The following COX7B2 variants were observed in gnomAD, a reference collection of about 807,000 sequenced individuals.
The protein encoded by COX7B2 is cytochrome c oxidase subunit 7B2, mitochondrial.
For missense variants in COX7B2, 109 were observed against 95.9 expected, an observed-to-expected ratio of 1.14 and a Z score of -0.57; for synonymous variants, 37 against 32.1, an observed-to-expected ratio of 1.15 and a Z score of -0.51.
In COX7B2 at chr4:46,734,963, T is replaced by C. The variant is rs571204159; in HGVS notation, c.230A>G (p.Glu77Gly). ...CTGTGATGGTTACTGATGTTTCCAC[T>C]CTTTTGGGGTAACTCTGCCAACAGG... ...LSPVGRVTPK[E>G]WKHQ The change falls in exon 3 of 3, where the codon GAG becomes GGG. Residue 77 changes from glutamate (E) to glycine (G), a missense_variant. Transcript: ENST00000355591. 6.2e-7 allele frequency: 1 copy of C among 1,613,998 alleles called. No individual in the cohort carries two copies. The highest frequency in any genetic ancestry group is 1.7e-5 in the Admixed American group (1 of 59,974).
chr4:46,895,031 C>T (rs1052768115), intron 1 of COX7B2, among the ~76,000 whole-genome samples: 88 of 151,904 alleles, frequency 5.8e-4, no homozygotes, highest in African/African-American at 2.1e-3. Flanking sequence ...GCCAAGCAAC[C>T]GTTGGTGGTG....
intron 1 of COX7B2, among the ~76,000 whole-genome samples, chr4:46,872,122 C>T (rs1718030258): frequency 6.6e-6 from 1 of 152,110 alleles, no homozygotes; most frequent in South Asian, 2.1e-4. Context: ...ATATATACAC[C>T]ATGGAATACT....
intron 2 of COX7B2, among the ~76,000 whole-genome samples, chr4:46,766,516 A>G: frequency 6.6e-6 from 1 of 152,020 alleles, no homozygotes. Context: ...CCTGGCTAAC[A>G]TGGTGAAATT....
At chr4:46,741,617 T>C (rs1009673571) in intron 2 of COX7B2, among the ~76,000 whole-genome samples, 1 of 152,108 alleles carries the variant, frequency 6.6e-6, no homozygotes, top group Non-Finnish European at 1.5e-5. Context: ...GCAAAAATGT[T>C]GCCCATCAAC....
chr4:46,817,406 G>A (rs564861386), intron 2 of COX7B2, among the ~76,000 whole-genome samples: 98 of 152,248 alleles, frequency 6.4e-4, no homozygotes, highest in African/African-American at 2.1e-3. Flanking sequence ...AAAAGCCGGG[G>A]TACACATTTC....
intron 2 of COX7B2, among the ~76,000 whole-genome samples, chr4:46,805,295 C>G (rs191268593): frequency 6.6e-6 from 1 of 152,212 alleles, no homozygotes; most frequent in Non-Finnish European, 1.5e-5. Flanking sequence ...GCATCAAGGC[C>G]GAGGAGGTGC....
intron 2 of COX7B2, among the ~76,000 whole-genome samples, chr4:46,811,723 C>A (rs1179196201): frequency 6.6e-6 from 1 of 152,126 alleles, no homozygotes; most frequent in Non-Finnish European, 1.5e-5. Context: ...TCTTGTGTCT[C>A]TGAATTGATG....
chr4:46,823,146 G>A (rs375510803), intron 2 of COX7B2, among the ~76,000 whole-genome samples: 2 of 152,074 alleles, frequency 1.3e-5, no homozygotes, highest in Non-Finnish European at 2.9e-5. Flanking sequence ...GAAAATCAGT[G>A]AAAATCCTGA....
intron 2 of COX7B2, among the ~76,000 whole-genome samples, chr4:46,737,143 T>C (rs1714416975): frequency 6.6e-6 from 1 of 152,150 alleles, no homozygotes; most frequent in Non-Finnish European, 1.5e-5. Context: ...ATTTGGGCCA[T>C]TCTAATCGGT....
At chr4:46,888,507 G>A (rs1488552062) in intron 1 of COX7B2, among the ~76,000 whole-genome samples, 1 of 150,848 alleles carries the variant, frequency 6.6e-6, no homozygotes, top group Non-Finnish European at 1.5e-5. Flanking sequence ...GCAGTGGCGC[G>A]ATCTAGGCTC....
intron 2 of COX7B2, among the ~76,000 whole-genome samples, chr4:46,836,712 T>C (rs1416453482): frequency 1.3e-5 from 2 of 152,130 alleles, no homozygotes; most frequent in African/African-American, 2.4e-5. Context: ...TAATGGTATG[T>C]GATAGATTTG....
intron 2 of COX7B2, among the ~76,000 whole-genome samples, chr4:46,762,260 A>G (rs1355338139): frequency 1.4e-5 from 2 of 141,198 alleles, no homozygotes; most frequent in Admixed American, 7.5e-5. Flanking sequence ...TTTAATATAT[A>G]ATATATTTAA....
At chr4:46,745,065 T>C (rs919459955) in intron 2 of COX7B2, among the ~76,000 whole-genome samples, 31 of 152,266 alleles carry the variant, frequency 2.0e-4, no homozygotes, top group African/African-American at 7.0e-4. Flanking sequence ...CATTTACCAA[T>C]TGTTTCCATT....
chr4:46,740,969 A>G (rs1714670040), intron 2 of COX7B2, among the ~76,000 whole-genome samples: 1 of 152,180 alleles, frequency 6.6e-6, no homozygotes, highest in Admixed American at 6.5e-5. Flanking sequence ...TGAAAGGTCA[A>G]AGCATACATA....
At chr4:46,831,474 C>G (rs979252539) in intron 2 of COX7B2, among the ~76,000 whole-genome samples, 3 of 152,184 alleles carry the variant, frequency 2.0e-5, no homozygotes, top group Non-Finnish European at 4.4e-5. Context: ...ACCTGTGGCC[C>G]CAGTGCGGGA....
intron 2 of COX7B2, among the ~76,000 whole-genome samples, chr4:46,812,832 T>C (rs949996970): frequency 5.3e-5 from 8 of 152,174 alleles, no homozygotes; most frequent in Non-Finnish European, 1.0e-4. Context: ...TCTGGATCAC[T>C]GGGTTCAGGG....
chr4:46,804,167 G>C (rs922289281), intron 2 of COX7B2, among the ~76,000 whole-genome samples: 1 of 152,090 alleles, frequency 6.6e-6, no homozygotes, highest in African/African-American at 2.4e-5. Context: ...CGGTGGGTTC[G>C]TGGTCTCACT....
chr4:46,898,585 T>C (rs1348179533), intron 1 of COX7B2, among the ~76,000 whole-genome samples: 1 of 151,980 alleles, frequency 6.6e-6, no homozygotes, highest in Non-Finnish European at 1.5e-5. Flanking sequence ...GCCTGGCTAA[T>C]TTTTTATTTT....
chr4:46,783,821 G>A (rs1479858241), intron 2 of COX7B2, among the ~76,000 whole-genome samples: 1 of 152,176 alleles, frequency 6.6e-6, no homozygotes, highest in Non-Finnish European at 1.5e-5. Context: ...GAAAGTAACT[G>A]ACTCACACAA....
Sources: allele counts gnomAD v4.1 joint callset (sites outside exome capture counted in the v4.1 genomes callset), GRCh38; gene constraint gnomAD v4.1.1; transcripts MANE v1.5; gene names NCBI Gene and HGNC (gene_info 2026-07-23, HGNC 2026-07-21).